The following SLC6A6 variants were observed in gnomAD, a reference collection of about 807,000 sequenced individuals.
The protein encoded by SLC6A6 is solute carrier family 6 member 6.
A neutral mutation model predicts 68.8 loss-of-function variants in SLC6A6; 16 were observed. The observed-to-expected ratio is 0.23, with a 90% CI of 0.16 to 0.35. The LOEUF (loss-of-function observed/expected upper bound fraction) is 0.35, where lower values mean the gene tolerates loss of function less well. Among genes scored for constraint, SLC6A6 ranks in the 10% least tolerant of loss-of-function variants. SLC6A6 has a pLI of 1.00. For missense variants in SLC6A6, 474 were observed against 802.8 expected, an observed-to-expected ratio of 0.59 and a Z score of 4.95; for synonymous variants, 312 against 315.4, an observed-to-expected ratio of 0.99 and a Z score of 0.12.
At chr3:14,443,154 A>G (rs1455502419) in intron 2 of SLC6A6, among the ~76,000 whole-genome samples, 5 of 152,202 alleles carry the variant, frequency 3.3e-5, no homozygotes, top group Non-Finnish European at 7.3e-5. Context: ...GCATTTGCAA[A>G]AGAGGAGCCT....
chr3:14,474,599 A>G (rs112039179), intron 10 of SLC6A6, among the ~76,000 whole-genome samples: 3,498 of 152,278 alleles, frequency 0.023, 156 homozygotes, highest in African/African-American at 0.08. Context: ...GCAGTGTTGC[A>G]ATGCCTGGGT....
At chr3:14,406,619 G>C (rs544890476) in intron 1 of SLC6A6, among the ~76,000 whole-genome samples, 1 of 152,214 alleles carries the variant, frequency 6.6e-6, no homozygotes, top group Non-Finnish European at 1.5e-5. Context: ...CACAGCCCTA[G>C]TGTCTCTAGG....
chr3:14,475,436 A>T (rs1375523113), intron 10 of SLC6A6, among the ~76,000 whole-genome samples: 1 of 152,198 alleles, frequency 6.6e-6, no homozygotes, highest in African/African-American at 2.4e-5. Context: ...GTTAACAGTT[A>T]TCTCCCACTT....
Position 14,445,753 on chromosome 3 carries a change from G to A in SLC6A6, c.266G>A (p.Gly89Glu), listed in dbSNP as rs1700105331. ...FLIPYFIFLF[G>E]SGLPVFFLEI... ...ATACCGTATTTTATTTTCCTGTTTG[G>A]GAGCGGCCTGCCTGTGTTTTTCTTG... Residue 89 changes from glycine to glutamate, a missense_variant, in exon 4 of 15, where the codon GGG becomes GAG. Gly to Glu is a moderately conservative substitution (Grantham distance 98). This residue lies in a region of SLC6A6 where 280 missense variants were observed against 533.1 expected (regional missense o/e 0.53). Coordinates refer to ENST00000622186, the MANE Select transcript of SLC6A6 (RefSeq NM_003043.6). The A allele has an allele frequency of 6.2e-7, 1 of 1,614,064 alleles. No homozygotes were observed. Among genetic ancestry groups the A allele is most frequent in the African/African-American group, 1.3e-5 (1 of 74,942 alleles).
chr3:14,484,793 A>C, intron 14 of SLC6A6, 74 bp from the exon 15 acceptor site: 1 of 1,493,470 alleles, frequency 6.7e-7, no homozygotes, highest in Non-Finnish European at 9.2e-7. Flanking sequence ...ATTCAGGAGG[A>C]GGCAGATGGC....
chr3:14,484,777 G>A (rs1488081329), intron 14 of SLC6A6, 90 bp from the exon 15 acceptor site: 17 of 1,375,760 alleles, frequency 1.2e-5, no homozygotes, highest in Non-Finnish European at 1.6e-5. Flanking sequence ...AACAGCACAT[G>A]AGCCAATTCA....
intron 2 of SLC6A6, among the ~76,000 whole-genome samples, chr3:14,429,619 A>G (rs747131523): frequency 1.6e-4 from 24 of 152,166 alleles, no homozygotes; most frequent in African/African-American, 5.5e-4. Flanking sequence ...GCCATTCCCA[A>G]CCTCACCTGA....
intron 9 of SLC6A6, among the ~76,000 whole-genome samples, chr3:14,471,418 G>A (rs1260687249): frequency 1.3e-5 from 2 of 152,162 alleles, no homozygotes; most frequent in African/African-American, 4.8e-5. Context: ...CTACCTCTGA[G>A]AATCTAAACA....
At chr3:14,420,489 CT>C (rs763732632) in intron 2 of SLC6A6, among the ~76,000 whole-genome samples, 261 of 128,078 alleles carry the variant, frequency 2.0e-3, no homozygotes, top group East Asian at 0.012. Flanking sequence ...AACCACTCTG[CT>C]TTTTTTTTTT....
At position 14,477,458 on chromosome 3, in the gene SLC6A6, A is replaced by G; in HGVS notation, c.1347+116A>G. 1 of 1,077,594 alleles carries G rather than the reference A, an allele frequency of 9.3e-7. No individual in the cohort carries two copies. Among genetic ancestry groups the G allele is most frequent in the Non-Finnish European group, 1.4e-6 (1 of 725,976 alleles). The allele number at this position is 1,077,594 out of a possible 1,614,324, so 66.8% of individuals were successfully genotyped here. On this transcript the variant is annotated intron_variant, in intron 11 of 14. Coordinates refer to ENST00000622186, the MANE Select transcript of SLC6A6 (RefSeq NM_003043.6). This position sits in a 1 kb window ranked among gnomAD's most constrained non-coding sequence, Gnocchi z 4.2. ...GGTAGGGGCTTCATCTCCCAGCCCC[A>G]CCCAATTCAGGGGTCCTGCTTGGAC...
rs1701002723 is a variant in SLC6A6 at position 14,481,369 on chromosome 3, T to G, written c.1552-302T>G. 6.6e-6 allele frequency among the ~76,000 whole-genome samples: 1 copy of G among 151,250 alleles called. No individual in the cohort carries two copies. Among genetic ancestry groups the G allele is most frequent in the African/African-American group, 2.4e-5 (1 of 41,098 alleles). On this transcript the variant is annotated intron_variant, in intron 13 of 14. Transcript: ENST00000622186. The surrounding 1 kb of genome is among the most constrained non-coding windows in gnomAD (Gnocchi z 4.7). The stretch of plus-strand genomic sequence containing the variant: ...CTGGAGTGTGGACACGGAGGGAGAG[T>G]TGAGGCAGATGAGGGAGGAAGGGGT...
chr3:14,469,720 C>T (rs1559310904), intron 9 of SLC6A6, among the ~76,000 whole-genome samples: 2 of 152,196 alleles, frequency 1.3e-5, no homozygotes, highest in African/African-American at 4.8e-5. Flanking sequence ...GAGAATTTGG[C>T]CCTTGTGACC....
chr3:14,416,075 C>T (rs926483688), intron 1 of SLC6A6, among the ~76,000 whole-genome samples: 8 of 152,058 alleles, frequency 5.3e-5, no homozygotes, highest in East Asian at 1.9e-4. Flanking sequence ...AAGAGAGGGG[C>T]GTGTGTGAGT....
chr3:14,419,458 A>G (rs1314686770), intron 2 of SLC6A6, among the ~76,000 whole-genome samples: 1 of 152,170 alleles, frequency 6.6e-6, no homozygotes, highest in Admixed American at 6.5e-5. Context: ...CTATTAATGG[A>G]CCAGCCCAAA....
intron 6 of SLC6A6, among the ~76,000 whole-genome samples, chr3:14,462,457 GGGA>G (rs1444723816): frequency 1.6e-4 from 25 of 152,180 alleles, no homozygotes; most frequent in East Asian, 1.5e-3. Context: ...CAGCACTTGG[GGGA>G]GCCGAGGAGG....
At chr3:14,476,677 G>A (rs1205277236) in intron 10 of SLC6A6, among the ~76,000 whole-genome samples, 1 of 152,224 alleles carries the variant, frequency 6.6e-6, no homozygotes, top group Non-Finnish European at 1.5e-5. Flanking sequence ...TGGTGCTAAG[G>A]TCCACCCATT....
chr3:14,452,395 G>A (rs1189689574), intron 5 of SLC6A6, among the ~76,000 whole-genome samples: 3 of 152,230 alleles, frequency 2.0e-5, no homozygotes, highest in Admixed American at 6.5e-5. Context: ...GGACACTGAC[G>A]ATGCAAGACG....
chr3:14,403,004 C>T (rs1402650996), intron 1 of SLC6A6, among the ~76,000 whole-genome samples, 157 bp downstream of exon 1: 4 of 152,216 alleles, frequency 2.6e-5, no homozygotes, highest in Non-Finnish European at 4.4e-5. Context: ...GAGTCGCCTG[C>T]TCAGTCCCGC....
At chr3:14,407,578 A>T (rs1236041252) in intron 1 of SLC6A6, among the ~76,000 whole-genome samples, 1 of 147,676 alleles carries the variant, frequency 6.8e-6, no homozygotes, top group African/African-American at 2.5e-5. Flanking sequence ...CATGATCTCT[A>T]CTGCAGCCTC....
Sources: gnomAD v4.1 joint callset for allele counts (sites outside exome capture counted in the v4.1 genomes callset) on GRCh38, gnomAD v4.1.1 for gene constraint, gnomAD v4.1.1 regional missense constraint, Gnocchi (gnomAD v3.1) non-coding constraint, MANE v1.5 for transcripts, NCBI Gene and HGNC (gene_info 2026-07-23, HGNC 2026-07-21) for gene names.